The following NGEF variants were observed in gnomAD, a reference collection of about 807,000 sequenced individuals.
NGEF encodes the protein neuronal guanine nucleotide exchange factor, also known as ephexin-1.
A neutral mutation model predicts 80.9 loss-of-function variants in NGEF; 31 were observed. That is an observed-to-expected ratio of 0.38 (90% CI 0.29 to 0.52). The LOEUF (loss-of-function observed/expected upper bound fraction) is 0.52, where lower values mean the gene tolerates loss of function less well. Ranked by LOEUF, NGEF falls within the 20% of genes least tolerant of loss-of-function variation. The probability of loss-of-function intolerance (pLI) is 0.84; values close to 1 mark genes in which losing one functional copy is unlikely to be tolerated. For synonymous variants in NGEF, 371 were observed against 370.2 expected, an observed-to-expected ratio of 1.00 and a Z score of -0.03; for missense variants, 709 against 926.2, an observed-to-expected ratio of 0.77 and a Z score of 3.04.
Position 232,924,328 on chromosome 2 carries a change from C to T in NGEF, c.526+2716G>A, listed in dbSNP as rs1274410670. Among the ~76,000 whole-genome samples, 3 of 152,188 alleles carry T rather than the reference C, an allele frequency of 2.0e-5. No individual in the cohort carries two copies. The South Asian group carries it at 6.2e-4, about 31-fold the overall frequency. The stretch of plus-strand genomic sequence containing the variant: ...TCCTGTGAGGATGCACCAAAGGATG[C>T]ACCATCTTTGAAGCAGAGATAGCCA... On this transcript the variant is annotated intron_variant, in intron 4 of 14. Coordinates refer to ENST00000264051, the MANE Select transcript of NGEF (RefSeq NM_019850.3).
At chr2:232,998,062 C>A (rs1360446337) in intron 1 of NGEF, among the ~76,000 whole-genome samples, 1 of 152,192 alleles carries the variant, frequency 6.6e-6, no homozygotes, top group Admixed American at 6.5e-5. Flanking sequence ...CAGCAGGGAC[C>A]CAGGCCAGAA....
chr2:232,884,699 C>T (rs1691619579), intron 10 of NGEF, among the ~76,000 whole-genome samples: 1 of 152,196 alleles, frequency 6.6e-6, no homozygotes, highest in Non-Finnish European at 1.5e-5. Flanking sequence ...CGCCTGGCAG[C>T]CATCGGTCAG....
At chr2:232,910,241 AG>A (rs1222581304) in intron 5 of NGEF, among the ~76,000 whole-genome samples, 4 of 149,556 alleles carry the variant, frequency 2.7e-5, no homozygotes, top group South Asian at 2.2e-4. Flanking sequence ...CAGGGGTGGG[AG>A]GGGGGTGGAT....
chr2:232,937,875 A>G (rs709935), intron 3 of NGEF, among the ~76,000 whole-genome samples: 38,293 of 152,038 alleles, frequency 0.25, 5,232 homozygotes, highest in Non-Finnish European at 0.31. Flanking sequence ...GGGGGAGGTA[A>G]CTAGTTATGA....
intron 13 of NGEF, among the ~76,000 whole-genome samples, chr2:232,881,982 C>A (rs1691518435): frequency 6.6e-6 from 1 of 152,248 alleles, no homozygotes; most frequent in Admixed American, 6.5e-5. Context: ...TAAGGCCCAT[C>A]CAGCATTCAC....
intron 3 of NGEF, among the ~76,000 whole-genome samples, chr2:232,935,557 A>G (rs991726330): frequency 2.6e-5 from 4 of 152,116 alleles, no homozygotes; most frequent in Non-Finnish European, 4.4e-5. Flanking sequence ...GGTGGAGGTT[A>G]CAGTGAGCGG....
intron 3 of NGEF, among the ~76,000 whole-genome samples, chr2:232,953,169 G>A (rs1301083289): frequency 2.6e-5 from 4 of 151,508 alleles, no homozygotes; most frequent in East Asian, 1.9e-4. Flanking sequence ...AGGTGTGGTG[G>A]CGCGTGCCTG....
chr2:233,004,799 T>G (rs575083321), intron 1 of NGEF, among the ~76,000 whole-genome samples: 1 of 151,722 alleles, frequency 6.6e-6, no homozygotes, highest in Non-Finnish European at 1.5e-5. Flanking sequence ...TTCCTCATCC[T>G]GCTGGGGGCC....
chr2:232,989,329 T>A (rs1368666279), intron 1 of NGEF, among the ~76,000 whole-genome samples: 1 of 152,080 alleles, frequency 6.6e-6, no homozygotes, highest in Non-Finnish European at 1.5e-5. Context: ...ACACCTGTAA[T>A]CCCAGCTACT....
At chr2:232,993,496 G>T (rs1007690007) in intron 1 of NGEF, among the ~76,000 whole-genome samples, 4 of 152,034 alleles carry the variant, frequency 2.6e-5, no homozygotes, top group Admixed American at 2.6e-4. Context: ...GGGGCACTTT[G>T]GAAAATTGTC....
At position 232,990,193 on chromosome 2, in the gene NGEF, G is replaced by A. The variant is rs143313650; in HGVS notation, c.-74-15229C>T. ...CCAACTGAAACTCCCAGAATTACAA[G>A]TAATTCAGCCTAGGTCCTGAATAAG... On this transcript the variant is annotated intron_variant, in intron 1 of 14. Coordinates refer to ENST00000264051, the MANE Select transcript of NGEF (RefSeq NM_019850.3). 2.3e-3 allele frequency among the ~76,000 whole-genome samples: 350 copies of A among 152,184 alleles called. 4 individuals carry two copies. The highest frequency in any genetic ancestry group is 0.021 in the East Asian group (109 of 5,188).
chr2:232,922,006 T>C (rs983786669), intron 4 of NGEF, among the ~76,000 whole-genome samples: 1 of 151,894 alleles, frequency 6.6e-6, no homozygotes, highest in African/African-American at 2.4e-5. Context: ...TGGGGTGGGG[T>C]GGATCGAGAT....
chr2:232,957,839 C>T (rs1159296531), intron 3 of NGEF, among the ~76,000 whole-genome samples: 1 of 152,202 alleles, frequency 6.6e-6, no homozygotes, highest in Admixed American at 6.5e-5. Flanking sequence ...GTCATCTCTC[C>T]ATGGAGAGGT....
chr2:232,997,819 C>T (rs954802582), intron 1 of NGEF, among the ~76,000 whole-genome samples: 2 of 152,190 alleles, frequency 1.3e-5, no homozygotes, highest in South Asian at 2.1e-4. Context: ...GTTTAGATGG[C>T]TGCACCTTCC....
At chr2:232,926,736 C>T (rs754826135) in intron 4 of NGEF, among the ~76,000 whole-genome samples, 49 of 152,316 alleles carry the variant, frequency 3.2e-4, no homozygotes, top group Non-Finnish European at 5.7e-4. Flanking sequence ...CTGCTTCATC[C>T]CTTCTTTCTG....
At chr2:232,938,415 T>A (rs948158969) in intron 3 of NGEF, among the ~76,000 whole-genome samples, 1 of 152,152 alleles carries the variant, frequency 6.6e-6, no homozygotes, top group Non-Finnish European at 1.5e-5. Flanking sequence ...GATGCTGCGA[T>A]GCTTGTGTGT....
At chr2:232,997,393 G>A (rs1178293170) in intron 1 of NGEF, among the ~76,000 whole-genome samples, 1 of 152,144 alleles carries the variant, frequency 6.6e-6, no homozygotes, top group Non-Finnish European at 1.5e-5. Context: ...ACAGGGTGGT[G>A]TGGAGACCAG....
At chr2:232,917,209 T>C (rs189555405) in intron 5 of NGEF, among the ~76,000 whole-genome samples, 53 of 152,352 alleles carry the variant, frequency 3.5e-4, no homozygotes, top group African/African-American at 1.2e-3. Flanking sequence ...ACCAAGCTTC[T>C]ACTGAATGTG....
chr2:232,937,891 CTG>C (rs1276190118), intron 3 of NGEF, among the ~76,000 whole-genome samples: 1 of 152,098 alleles, frequency 6.6e-6, no homozygotes, highest in African/African-American at 2.4e-5. Context: ...TATGATCTGT[CTG>C]TGTGAGTCCA....
Sources: allele counts gnomAD v4.1 joint callset (sites outside exome capture counted in the v4.1 genomes callset), GRCh38; gene constraint gnomAD v4.1.1; transcripts MANE v1.5; gene names NCBI Gene and HGNC (gene_info 2026-07-23, HGNC 2026-07-21).